PRKN: variants seen among roughly 807,000 people sequenced by gnomAD.
PRKN encodes parkin RBR E3 ubiquitin protein ligase.
In PRKN, 56 loss-of-function variants were observed where a neutral mutation model predicts 59.5. The ratio of observed to expected loss-of-function variants is 0.94; its 90% CI spans 0.76 to 1.18. PRKN has a LOEUF of 1.18. Among genes scored for constraint, PRKN ranks in the 50% most tolerant of loss-of-function variants. The pLI, the probability that PRKN is intolerant of heterozygous loss-of-function variation, is 0.00. For missense variants in PRKN, 657 were observed against 596.4 expected, an observed-to-expected ratio of 1.10 and a Z score of -1.06; for synonymous variants, 250 against 222.1, an observed-to-expected ratio of 1.13 and a Z score of -1.12.
intron 7 of PRKN, among the ~76,000 whole-genome samples, chr6:161,622,813 CTT>C (rs1231263682): frequency 6.6e-6 from 1 of 152,168 alleles, no homozygotes; most frequent in African/African-American, 2.4e-5. Context: ...TTCAAGGTGA[CTT>C]ATTATTCTGT....
At chr6:162,304,084 GA>G (rs59752780) in intron 2 of PRKN, among the ~76,000 whole-genome samples, 1 of 147,370 alleles carries the variant, frequency 6.8e-6, no homozygotes, top group African/African-American at 2.5e-5. Flanking sequence ...TGTGAAGGGA[GA>G]AAAAAAAAGA....
intron 4 of PRKN, among the ~76,000 whole-genome samples, chr6:162,105,387 T>G (rs1562516517): frequency 6.6e-6 from 1 of 152,010 alleles, no homozygotes; most frequent in Non-Finnish European, 1.5e-5. Context: ...GACAACAAAT[T>G]CTACAAATAT....
intron 7 of PRKN, among the ~76,000 whole-genome samples, chr6:161,771,304 C>T (rs1171428732): frequency 2.7e-5 from 4 of 146,854 alleles, no homozygotes; most frequent in African/African-American, 5.0e-5. Context: ...TGCAGTGAGC[C>T]GAGATCGCGC....
At chr6:161,594,330 TGA>T (rs1184450754) in intron 7 of PRKN, among the ~76,000 whole-genome samples, 1 of 152,130 alleles carries the variant, frequency 6.6e-6, no homozygotes, top group East Asian at 1.9e-4. Context: ...CTCTGTCTTA[TGA>T]GAGAAACAAG....
At chr6:161,370,145 C>T (rs1457655562) in intron 10 of PRKN, among the ~76,000 whole-genome samples, 2 of 151,940 alleles carry the variant, frequency 1.3e-5, no homozygotes, top group East Asian at 3.9e-4. Flanking sequence ...TTTAAAAACA[C>T]AAGTATGGGA....
chr6:161,721,613 T>G (rs879292071), intron 7 of PRKN, among the ~76,000 whole-genome samples: 1 of 152,206 alleles, frequency 6.6e-6, no homozygotes, highest in Non-Finnish European at 1.5e-5. Flanking sequence ...CCAGAAAACA[T>G]AAATGGATTT....
chr6:161,406,253 G>A lies in PRKN; in HGVS notation c.1084-19376C>T, dbSNP rs556440880. On this transcript the variant is annotated intron_variant, in intron 9 of 11. Transcript: ENST00000366898. ...ATACACACACTTGATTTGAGGTGTT[G>A]GTTTACAGTAAAATCTTCCCACTTA... Among the ~76,000 whole-genome samples, 5 of 151,304 alleles carry A rather than the reference G, an allele frequency of 3.3e-5. No individual in the cohort carries two copies. The South Asian group carries it at 1.0e-3, about 32-fold the overall frequency.
At chr6:161,785,700 A>T in intron 7 of PRKN, 72 bp downstream of exon 7, 1 of 1,456,160 alleles carries the variant, frequency 6.9e-7, no homozygotes, top group Non-Finnish European at 9.6e-7. Flanking sequence ...TATCTAAGCC[A>T]GTTTTACATC....
At position 161,528,153 on chromosome 6, in the gene PRKN, T is replaced by G. The variant is rs1290595324; in HGVS notation, c.1083+20701A>C. Among the ~76,000 whole-genome samples, 5 of 152,376 alleles carry G rather than the reference T, an allele frequency of 3.3e-5. No homozygotes were observed. The South Asian group carries it at 6.2e-4, about 19-fold the overall frequency. On this transcript the variant is annotated intron_variant, in intron 9 of 11. Coordinates refer to ENST00000366898, the MANE Select transcript of PRKN (RefSeq NM_004562.3). ...AATCCTCAGGGGAAAGATTTTTCAT[T>G]TGTGACTTTACTTAGCCATGTCATA...
intron 6 of PRKN, among the ~76,000 whole-genome samples, chr6:161,914,348 C>A (rs1430225267): frequency 1.3e-5 from 2 of 152,110 alleles, no homozygotes; most frequent in African/African-American, 4.8e-5. Flanking sequence ...AAGATATAGG[C>A]ACATGTATAT....
chr6:162,146,162 C>G lies in PRKN; in HGVS notation c.534+54969G>C, dbSNP rs368510412. ...ACCCTATTCTCCCAACTGATTATCT[C>G]TTTTTCTATATAGCACCCACGTAGC... is the stretch of plus-strand genomic sequence containing the variant. On this transcript the variant is annotated intron_variant, in intron 4 of 11. Coordinates refer to ENST00000366898, the MANE Select transcript of PRKN (RefSeq NM_004562.3). 2.0e-5 allele frequency among the ~76,000 whole-genome samples: 3 copies of G among 152,136 alleles called. No homozygotes were observed. In the South Asian group the frequency reaches 6.2e-4, roughly 32 times the overall value.
intron 2 of PRKN, among the ~76,000 whole-genome samples, chr6:162,353,246 T>C (rs1379387689): frequency 6.6e-6 from 1 of 152,046 alleles, no homozygotes; most frequent in African/African-American, 2.4e-5. Context: ...TAGAGTTGGC[T>C]CTAAGCTACC....
chr6:162,482,618 T>C (rs1173826345), intron 1 of PRKN, among the ~76,000 whole-genome samples: 1 of 152,234 alleles, frequency 6.6e-6, no homozygotes, highest in Non-Finnish European at 1.5e-5. Context: ...TGGTTATCCA[T>C]AATTTTTTAA....
chr6:162,619,727 C>T (rs1329506999), intron 1 of PRKN, among the ~76,000 whole-genome samples: 1 of 151,982 alleles, frequency 6.6e-6, no homozygotes, highest in East Asian at 1.9e-4. Flanking sequence ...CACACACACA[C>T]ACACACTACC....
At chr6:162,381,305 T>A (rs1786472230) in intron 2 of PRKN, among the ~76,000 whole-genome samples, 1 of 152,194 alleles carries the variant, frequency 6.6e-6, no homozygotes, top group Admixed American at 6.5e-5. Flanking sequence ...ATAACTATTG[T>A]TGCCCTCCTC....
intron 7 of PRKN, among the ~76,000 whole-genome samples, chr6:161,646,830 C>T (rs1158711446): frequency 6.6e-6 from 1 of 152,194 alleles, no homozygotes; most frequent in African/African-American, 2.4e-5. Context: ...TCCTTTAGTT[C>T]TGGTCCCCTA....
chr6:161,544,131 T>C lies in PRKN; in HGVS notation c.1083+4723A>G, dbSNP rs1196601873. Among the ~76,000 whole-genome samples, 1 of 152,220 alleles carries C rather than the reference T, an allele frequency of 6.6e-6. No homozygotes were observed. Among genetic ancestry groups the C allele is most frequent in the Non-Finnish European group, 1.5e-5 (1 of 68,042 alleles). ...AAAATATTCTGTGCTGAGTCAAAACTGAAATCTCAGTTCTCCCAAGAGTAA... is the reference window on the plus strand; with the variant it reads ...AAAATATTCTGTGCTGAGTCAAAACCGAAATCTCAGTTCTCCCAAGAGTAA... On this transcript the variant is annotated intron_variant, in intron 9 of 11. Coordinates refer to ENST00000366898, the MANE Select transcript of PRKN (RefSeq NM_004562.3). This position sits in a 1 kb window ranked among gnomAD's most constrained non-coding sequence, Gnocchi z 5.5.
At chr6:162,059,567 A>T (rs1432478884) in intron 4 of PRKN, among the ~76,000 whole-genome samples, 1 of 152,242 alleles carries the variant, frequency 6.6e-6, no homozygotes, top group South Asian at 2.1e-4. Context: ...AAAGGTCTTC[A>T]GATTAAAAAG....
intron 7 of PRKN, among the ~76,000 whole-genome samples, chr6:161,754,955 G>T (rs1395095970): frequency 1.3e-5 from 2 of 152,152 alleles, no homozygotes; most frequent in African/African-American, 2.4e-5. Flanking sequence ...TCCCCACTCA[G>T]GGGGAGAAAT....
Sources: allele counts gnomAD v4.1 joint callset (sites outside exome capture counted in the v4.1 genomes callset), GRCh38; gene constraint gnomAD v4.1.1; non-coding constraint Gnocchi (gnomAD v3.1); transcripts MANE v1.5; gene names NCBI Gene and HGNC (gene_info 2026-07-23, HGNC 2026-07-21).